EXOC4: variants seen among roughly 807,000 people sequenced by gnomAD.
The protein encoded by EXOC4 is SEC8-like 1.
EXOC4 carries 71 observed loss-of-function variants against 107.2 expected under a neutral mutation model. The ratio of observed to expected loss-of-function variants is 0.66; its 90% CI spans 0.55 to 0.81. EXOC4 has a LOEUF of 0.81. EXOC4 is among the 30% of genes least tolerant of loss of function. EXOC4 has a pLI of 0.00. For missense variants in EXOC4, 1,108 were observed against 1,189.6 expected, an observed-to-expected ratio of 0.93 and a Z score of 1.01; for synonymous variants, 456 against 441.2, an observed-to-expected ratio of 1.03 and a Z score of -0.42.
chr7:133,766,544 A>C, intron 10 of EXOC4, among the ~76,000 whole-genome samples: 1 of 151,968 alleles, frequency 6.6e-6, no homozygotes, highest in East Asian at 1.9e-4. Flanking sequence ...ATCAGATTGT[A>C]ATTAGGGATC....
chr7:133,897,260 A>T (rs1332746099), intron 12 of EXOC4, among the ~76,000 whole-genome samples: 1 of 152,054 alleles, frequency 6.6e-6, no homozygotes, highest in Admixed American at 6.6e-5. Flanking sequence ...GACAAATTAA[A>T]CAACAACCAT....
At chr7:133,469,381 A>G (rs1283112048) in intron 7 of EXOC4, among the ~76,000 whole-genome samples, 1 of 152,148 alleles carries the variant, frequency 6.6e-6, no homozygotes, top group Non-Finnish European at 1.5e-5. Context: ...GTGCCACTGC[A>G]CTCCAGCCTG....
At chr7:133,774,960 A>G (rs1268342950) in intron 10 of EXOC4, among the ~76,000 whole-genome samples, 4 of 152,030 alleles carry the variant, frequency 2.6e-5, no homozygotes, top group Non-Finnish European at 5.9e-5. Flanking sequence ...TAACCTGACG[A>G]AAGTCTATTC....
chr7:133,367,392 A>C (rs1209584071), intron 6 of EXOC4, among the ~76,000 whole-genome samples: 1 of 152,170 alleles, frequency 6.6e-6, no homozygotes, highest in Admixed American at 6.5e-5. Flanking sequence ...ACAAGTGGGC[A>C]GTAGAAACAA....
At chr7:133,993,271 T>G (rs1373743764) in intron 14 of EXOC4, among the ~76,000 whole-genome samples, 1 of 152,204 alleles carries the variant, frequency 6.6e-6, no homozygotes, top group East Asian at 1.9e-4. Context: ...TCTTTTGTTT[T>G]CCTGTCAAAT....
the EXOC4 span, among the ~76,000 whole-genome samples, chr7:134,085,759 A>T: frequency 6.6e-6 from 1 of 152,220 alleles, no homozygotes; most frequent in African/African-American, 2.4e-5. Flanking sequence ...AACAACCAAT[A>T]GCAATGATTT....
intron 7 of EXOC4, among the ~76,000 whole-genome samples, chr7:133,402,140 G>T (rs529196603): frequency 6.6e-6 from 1 of 152,248 alleles, no homozygotes; most frequent in African/African-American, 2.4e-5. Context: ...ATTTTCTTGC[G>T]GAAAGTATTT....
At chr7:133,520,627 G>A (rs528395721) in intron 9 of EXOC4, among the ~76,000 whole-genome samples, 18 of 152,210 alleles carry the variant, frequency 1.2e-4, no homozygotes, top group Non-Finnish European at 2.4e-4. Flanking sequence ...ATTACAAAAT[G>A]CAGCTACCAC....
At chr7:133,518,807 T>C (rs2150907769) in intron 9 of EXOC4, among the ~76,000 whole-genome samples, 1 of 152,066 alleles carries the variant, frequency 6.6e-6, no homozygotes, top group East Asian at 1.9e-4. Flanking sequence ...ACAGAAAGAA[T>C]GATGGCTGTA....
intron 9 of EXOC4, among the ~76,000 whole-genome samples, chr7:133,555,326 T>A (rs1415240306): frequency 6.6e-6 from 1 of 152,236 alleles, no homozygotes; most frequent in African/African-American, 2.4e-5. Context: ...TTTATTCTTG[T>A]TAGCTATATT....
At chr7:133,850,015 A>G (rs1290875035) in intron 11 of EXOC4, among the ~76,000 whole-genome samples, 1 of 152,220 alleles carries the variant, frequency 6.6e-6, no homozygotes, top group East Asian at 1.9e-4. Context: ...TAATGTTCAC[A>G]GAAACAACTC....
chr7:133,583,729 C>G (rs1430676438), intron 9 of EXOC4, among the ~76,000 whole-genome samples: 1 of 152,060 alleles, frequency 6.6e-6, no homozygotes, highest in Non-Finnish European at 1.5e-5. Flanking sequence ...TTTGAAAGGC[C>G]TTGAATGCCA....
At chr7:133,617,551 A>G (rs1159665702) in intron 9 of EXOC4, among the ~76,000 whole-genome samples, 1 of 152,232 alleles carries the variant, frequency 6.6e-6, no homozygotes, top group East Asian at 1.9e-4. Context: ...AAGGGTATTT[A>G]CCAAACCCAA....
At chr7:133,261,776 C>G (rs565633049) in intron 1 of EXOC4, among the ~76,000 whole-genome samples, 162 of 152,292 alleles carry the variant, frequency 1.1e-3, no homozygotes, top group Admixed American at 2.6e-3. Context: ...GAGTATTCCA[C>G]TCAGTACCCT....
chr7:134,100,870 G>T, the EXOC4 span, among the ~76,000 whole-genome samples: 1 of 128,824 alleles, frequency 7.8e-6, no homozygotes, highest in East Asian at 2.1e-4. Flanking sequence ...CTTGAGCCTG[G>T]GAGGTGGAGG....
chr7:133,445,734 A>G (rs1798205403), intron 7 of EXOC4, among the ~76,000 whole-genome samples: 1 of 152,148 alleles, frequency 6.6e-6, no homozygotes, highest in Admixed American at 6.5e-5. Context: ...GAGCTGCGTT[A>G]TCTGGTGTGT....
intron 15 of EXOC4, among the ~76,000 whole-genome samples, chr7:133,999,857 G>C (rs961383293): frequency 2.0e-5 from 3 of 152,060 alleles, no homozygotes; most frequent in African/African-American, 7.2e-5. Flanking sequence ...CTGCCCTTTT[G>C]ATACATCTTG....
At chr7:133,571,229 G>T (rs1160154031) in intron 9 of EXOC4, among the ~76,000 whole-genome samples, 1 of 152,168 alleles carries the variant, frequency 6.6e-6, no homozygotes, top group African/African-American at 2.4e-5. Context: ...CCTTTGATGG[G>T]GCTTAACTTG....
intron 10 of EXOC4, among the ~76,000 whole-genome samples, chr7:133,742,794 C>T (rs188020686): frequency 5.2e-4 from 79 of 152,268 alleles, no homozygotes; most frequent in East Asian, 1.4e-3. Context: ...ACCTTCATTC[C>T]TGGGTTGTGC....
Sources: gnomAD v4.1 joint callset for allele counts (sites outside exome capture counted in the v4.1 genomes callset) on GRCh38, gnomAD v4.1.1 for gene constraint, MANE v1.5 for transcripts, NCBI Gene and HGNC (gene_info 2026-07-23, HGNC 2026-07-21) for gene names.